Variants in LRRIQ1 observed in about 807,000 individuals in gnomAD.
The protein encoded by LRRIQ1 is leucine-rich repeat- and IQ domain-containing protein 1.
In LRRIQ1, 210 loss-of-function variants were observed where a neutral mutation model predicts 211.9. The observed-to-expected ratio is 0.99, with a 90% CI of 0.89 to 1.11. The LOEUF is 1.11. Among genes scored for constraint, LRRIQ1 ranks in the 50% most tolerant of loss-of-function variants. LRRIQ1 has a pLI of 0.00. For synonymous variants in LRRIQ1, 699 were observed against 650.1 expected (o/e 1.08, Z -1.14); for missense variants, 2,136 against 1,939.5 (o/e 1.10, Z -1.90).
intron 18 of LRRIQ1, among the ~76,000 whole-genome samples, chr12:85,131,915 A>G (rs1218653157): frequency 1.3e-5 from 2 of 152,142 alleles, no homozygotes; most frequent in African/African-American, 2.4e-5. Context: ...AAGAATATGA[A>G]TATTACTTAC....
intron 24 of LRRIQ1, among the ~76,000 whole-genome samples, chr12:85,218,729 T>C (rs538941743): frequency 3.0e-4 from 46 of 152,066 alleles, no homozygotes; most frequent in African/African-American, 1.1e-3. Context: ...TGGGAAAAAA[T>C]CATAAATTCC....
At chr12:85,044,831 TA>T in intron 4 of LRRIQ1, 22 bp downstream of exon 4, 1 of 1,119,952 alleles carries the variant, frequency 8.9e-7, no homozygotes, top group Non-Finnish European at 1.3e-6. Flanking sequence ...ATATTTGACT[TA>T]AAATATTCAC....
chr12:85,154,217 A>G, intron 23 of LRRIQ1, 123 bp downstream of exon 23: 1 of 436,282 alleles, frequency 2.3e-6, no homozygotes, highest in Non-Finnish European at 3.9e-6. Context: ...GACTATGTCT[A>G]AGATACTCTG....
At chr12:85,149,241 A>ATG (rs1890087131) in intron 19 of LRRIQ1, among the ~76,000 whole-genome samples, 1 of 152,012 alleles carries the variant, frequency 6.6e-6, no homozygotes, top group Non-Finnish European at 1.5e-5. Flanking sequence ...TGTGTCCTGA[A>ATG]TGGTATTACC....
At position 85,065,350 on chromosome 12, in the gene LRRIQ1, G is replaced by A. The variant is rs751948552; in HGVS notation, c.2480G>A (p.Arg827His). The change falls in exon 9 of 27, where the codon CGC (arginine) becomes CAC (histidine). Residue 827 changes from arginine (R) to histidine (H), a missense_variant. Arg to His is a conservative substitution (Grantham distance 29). Coordinates refer to ENST00000393217, the MANE Select transcript of LRRIQ1 (RefSeq NM_001079910.2). ...AATCTTCAGTTTCTATCCCTTCGAC[G>A]CTGTGGATTAACTTCTTTGCACAGC... ...CTNLQFLSLRRCGLTSLHSLS... is the reference protein window; with the variant it reads ...CTNLQFLSLRHCGLTSLHSLS... The A allele has an allele frequency of 1.5e-5, 24 of 1,610,694 alleles. No individual in the cohort carries two copies. The highest frequency in any genetic ancestry group is 3.3e-5 in the Admixed American group (2 of 59,728).
At chr12:85,259,066 G>A (rs1896209282) in intron 1 of LRRIQ1, among the ~76,000 whole-genome samples, 1 of 151,946 alleles carries the variant, frequency 6.6e-6, no homozygotes, top group South Asian at 2.1e-4. Flanking sequence ...GCAAAGAAGT[G>A]ACTTCTTGAA....
intron 1 of LRRIQ1, among the ~76,000 whole-genome samples, chr12:85,259,334 G>T (rs1406225790): frequency 6.6e-6 from 1 of 151,906 alleles, no homozygotes; most frequent in Non-Finnish European, 1.5e-5. Context: ...TTTCATATGG[G>T]TAATTTTAGT....
Position 85,065,247 on chromosome 12 carries a change from T to C in LRRIQ1, c.2392-15T>C. 1.3e-6 allele frequency: 2 copies of C among 1,596,352 alleles called. No homozygotes were observed. The highest frequency in any genetic ancestry group is 1.7e-6 in the Non-Finnish European group (2 of 1,171,410). On this transcript the variant is annotated splice_polypyrimidine_tract_variant and intron_variant, in intron 8 of 26. Coordinates refer to ENST00000393217, the MANE Select transcript of LRRIQ1 (RefSeq NM_001079910.2). ...TAAATAACACTACACACTCCAATTT[T>C]CTTGGTTCCTCTAGGTTACAACAGT...
At chr12:85,142,792 G>A (rs1181334659) in intron 19 of LRRIQ1, among the ~76,000 whole-genome samples, 1 of 151,558 alleles carries the variant, frequency 6.6e-6, no homozygotes, top group Non-Finnish European at 1.5e-5. Context: ...TGTTGCAAAT[G>A]ACCAAGTTCC....
At chr12:85,153,253 G>T in intron 21 of LRRIQ1, 108 bp downstream of exon 21, 1 of 1,114,218 alleles carries the variant, frequency 9.0e-7, no homozygotes, top group Non-Finnish European at 1.3e-6. Flanking sequence ...ACTTGTTTAG[G>T]AAACAGAATA....
At chr12:85,267,393 CAT>C (rs1173289405), downstream of LRRIQ1, among the ~76,000 whole-genome samples, 4 of 151,966 alleles carry the variant, frequency 2.6e-5, no homozygotes, top group African/African-American at 9.7e-5. Flanking sequence ...CCTAAAATTA[CAT>C]GTCTTAAAGA....
chr12:85,222,154 T>G (rs537939484), intron 24 of LRRIQ1, among the ~76,000 whole-genome samples: 14 of 152,296 alleles, frequency 9.2e-5, no homozygotes, highest in Middle Eastern at 3.4e-3. Context: ...ATAATAAACA[T>G]GAGTTCAATT....
intron 15 of LRRIQ1, among the ~76,000 whole-genome samples, chr12:85,107,752 G>T (rs1031606945): frequency 6.6e-6 from 1 of 151,794 alleles, no homozygotes; most frequent in Non-Finnish European, 1.5e-5. Flanking sequence ...CACTCACTCC[G>T]AATAGTTTCT....
At chr12:85,100,694 T>C (rs1886285928) in intron 13 of LRRIQ1, among the ~76,000 whole-genome samples, 1 of 151,708 alleles carries the variant, frequency 6.6e-6, no homozygotes, top group South Asian at 2.1e-4. Context: ...GTCAGAGCTC[T>C]TTGTACCTGT....
Position 85,121,784 on chromosome 12 carries a change from C to T in LRRIQ1, c.3465C>T (p.His1155=). 1 of 1,609,196 alleles carries T rather than the reference C, an allele frequency of 6.2e-7. No individual in the cohort carries two copies. Among genetic ancestry groups the T allele is most frequent in the Non-Finnish European group, 8.5e-7 (1 of 1,177,694 alleles). ...NSNSESRTEE[H]NQLGSAGFLA... The stretch of plus-strand genomic sequence containing the variant: ...ATTCAGAAAGCCGCACTGAAGAACA[C>T]AATCAACTGGGATCAGCAGGTTTCC... The change falls in exon 16 of 27, where the codon CAC becomes CAT. Residue 1155 remains histidine, a synonymous_variant. Transcript: ENST00000393217.
intron 24 of LRRIQ1, among the ~76,000 whole-genome samples, chr12:85,212,243 C>T (rs1893869161): frequency 6.6e-6 from 1 of 151,966 alleles, no homozygotes; most frequent in Admixed American, 6.6e-5. Context: ...GCTGAGATCA[C>T]ACCACTGCAC....
At chr12:85,062,642 A>T (rs1294822017) in intron 8 of LRRIQ1, among the ~76,000 whole-genome samples, 2 of 151,286 alleles carry the variant, frequency 1.3e-5, no homozygotes, top group African/African-American at 4.9e-5. Flanking sequence ...TGGTATTGTG[A>T]ATGGTGCTGC....
chr12:85,129,188 T>C (rs887584755), intron 18 of LRRIQ1, among the ~76,000 whole-genome samples: 13 of 152,160 alleles, frequency 8.5e-5, no homozygotes, highest in African/African-American at 2.7e-4. Flanking sequence ...TTTTTAAAAA[T>C]TTATTTACTC....
At chr12:85,132,233 A>G (rs77393088) in intron 18 of LRRIQ1, among the ~76,000 whole-genome samples, 3 of 151,894 alleles carry the variant, frequency 2.0e-5, no homozygotes, top group Non-Finnish European at 4.4e-5. Flanking sequence ...CATTATGTTG[A>G]TATTTTAAAA....
Sources: gnomAD v4.1 joint callset for allele counts (sites outside exome capture counted in the v4.1 genomes callset) on GRCh38, gnomAD v4.1.1 for gene constraint, MANE v1.5 for transcripts, NCBI Gene and HGNC (gene_info 2026-07-23, HGNC 2026-07-21) for gene names.